The following TENM4 variants were observed in gnomAD, a reference collection of about 807,000 sequenced individuals.
TENM4 encodes teneurin transmembrane protein 4.
A neutral mutation model predicts 243.3 loss-of-function variants in TENM4; 82 were observed. That is an observed-to-expected ratio of 0.34 (90% CI 0.28 to 0.40). The LOEUF (loss-of-function observed/expected upper bound fraction) is 0.40, where lower values mean the gene tolerates loss of function less well. Ranked by LOEUF, TENM4 falls within the 10% of genes least tolerant of loss-of-function variation. TENM4 has a pLI of 1.00. For missense variants in TENM4, 3,138 were observed against 3,673.3 expected (o/e 0.85, Z 3.77); for synonymous variants, 1,412 against 1,456.3 (o/e 0.97, Z 0.69).
intron 1 of TENM4, among the ~76,000 whole-genome samples, chr11:79,385,603 A>T (rs1858095208): frequency 6.6e-6 from 1 of 151,766 alleles, no homozygotes. Flanking sequence ...TTAAAATCTA[A>T]CTGTTACAAA....
At chr11:79,368,937 G>A (rs1469633128) in intron 1 of TENM4, among the ~76,000 whole-genome samples, 1 of 152,130 alleles carries the variant, frequency 6.6e-6, no homozygotes, top group Non-Finnish European at 1.5e-5. Context: ...TCAAATAAAT[G>A]TTAGTTTTCT....
chr11:79,199,039 T>C (rs1863690208), intron 3 of TENM4, among the ~76,000 whole-genome samples: 1 of 152,090 alleles, frequency 6.6e-6, no homozygotes, highest in South Asian at 2.1e-4. Flanking sequence ...AACTGGAAGA[T>C]GGCCAGTGTG....
Position 79,438,452 on chromosome 11 carries a change from C to A in TENM4, c.-321+2057G>T. ...AGCCCCATCCCGTCCCCATCAGCGC[C>A]GGGCTAGCGCAGGAAACCAGGAATA... On this transcript the variant is annotated intron_variant, in intron 1 of 33. Transcript: ENST00000278550. The surrounding 1 kb of genome is among the most constrained non-coding windows in gnomAD (Gnocchi z 4.1). Among the ~76,000 whole-genome samples the A allele has an allele frequency of 6.6e-6, 1 of 152,280 alleles. No individual in the cohort carries two copies. Among genetic ancestry groups the A allele is most frequent in the East Asian group, 1.9e-4 (1 of 5,154 alleles).
chr11:78,933,860 C>G (rs1856724355), intron 6 of TENM4, among the ~76,000 whole-genome samples: 1 of 152,146 alleles, frequency 6.6e-6, no homozygotes, highest in Non-Finnish European at 1.5e-5. Context: ...CCTCTCTCCC[C>G]TTCTGTGCTT....
intron 1 of TENM4, among the ~76,000 whole-genome samples, chr11:79,338,755 CCTGAAGTCTTTGGCTGGACCTAGGT>C (rs1857193764): frequency 6.6e-6 from 1 of 152,176 alleles, no homozygotes; most frequent in Non-Finnish European, 1.5e-5. Flanking sequence ...GGCCAAAAGG[CCTGAAGTCTTTGGCTGGACCTAGGT>C]TCAAAGTCCC....
intron 9 of TENM4, among the ~76,000 whole-genome samples, chr11:78,877,915 G>T (rs1160182241): frequency 2.0e-5 from 3 of 152,078 alleles, no homozygotes; most frequent in Non-Finnish European, 2.9e-5. Flanking sequence ...TACATTCATG[G>T]GTCAGGAAAC....
intron 2 of TENM4, among the ~76,000 whole-genome samples, chr11:79,262,519 C>T (rs764203736): frequency 1.3e-5 from 2 of 152,206 alleles, no homozygotes; most frequent in African/African-American, 4.8e-5. Flanking sequence ...GTAAACTGCT[C>T]GTTCCATCCA....
chr11:79,435,225 A>G (rs564281345), intron 1 of TENM4, among the ~76,000 whole-genome samples: 26 of 150,492 alleles, frequency 1.7e-4, no homozygotes, highest in Non-Finnish European at 3.1e-4. Flanking sequence ...ATTAGAATAA[A>G]GACTGTAAAA....
intron 6 of TENM4, among the ~76,000 whole-genome samples, chr11:78,986,001 C>G (rs1591184290): frequency 6.6e-6 from 1 of 152,122 alleles, no homozygotes; most frequent in Admixed American, 6.5e-5. Flanking sequence ...TGGTGTCCCT[C>G]CAAGGTGTAT....
At chr11:78,756,655 G>A (rs989765133) in intron 19 of TENM4, 150 bp downstream of exon 19, 6 of 752,394 alleles carry the variant, frequency 8.0e-6, no homozygotes, top group Middle Eastern at 7.7e-4. Flanking sequence ...ACCTGAGGCT[G>A]CTTCTCTGCC....
At chr11:78,777,871 A>C (rs1856768239) in intron 17 of TENM4, among the ~76,000 whole-genome samples, 1 of 152,176 alleles carries the variant, frequency 6.6e-6, no homozygotes, top group Non-Finnish European at 1.5e-5. Flanking sequence ...GATTATTCTG[A>C]GACTTGTTCT....
chr11:78,738,780 T>C (rs1413510570), intron 19 of TENM4, among the ~76,000 whole-genome samples: 1 of 152,228 alleles, frequency 6.6e-6, no homozygotes, highest in African/African-American at 2.4e-5. Flanking sequence ...AGAGAATTAC[T>C]ATTGGCAGGT....
At chr11:79,064,323 G>A (rs948470905) in intron 6 of TENM4, among the ~76,000 whole-genome samples, 17 of 152,288 alleles carry the variant, frequency 1.1e-4, no homozygotes, top group African/African-American at 3.1e-4. Flanking sequence ...GTGGGACAGC[G>A]TTCCTAGAGG....
chr11:79,065,559 G>T (rs183009574), intron 5 of TENM4, among the ~76,000 whole-genome samples: 1 of 152,230 alleles, frequency 6.6e-6, no homozygotes, highest in South Asian at 2.1e-4. Flanking sequence ...AAGCCCAGTC[G>T]ATGAGATCTA....
At chr11:79,313,881 G>T (rs948858439) in intron 1 of TENM4, among the ~76,000 whole-genome samples, 1 of 152,108 alleles carries the variant, frequency 6.6e-6, no homozygotes, top group African/African-American at 2.4e-5. Flanking sequence ...TTCCAGTTTC[G>T]ATGTGAAATC....
intron 1 of TENM4, among the ~76,000 whole-genome samples, chr11:79,407,264 G>A (rs1858593294): frequency 6.6e-6 from 1 of 152,198 alleles, no homozygotes; most frequent in Non-Finnish European, 1.5e-5. Flanking sequence ...AGTTAGGTCA[G>A]TTATAGAAAA....
chr11:79,002,236 A>G (rs1591197398), intron 6 of TENM4, among the ~76,000 whole-genome samples: 2 of 151,350 alleles, frequency 1.3e-5, no homozygotes, highest in South Asian at 4.2e-4. Context: ...CCAGCACCTC[A>G]CTCCTGCCAG....
In TENM4 at chr11:78,750,141, A is replaced by G. The variant is rs1300647008; in HGVS notation, c.2756+6664T>C. 3.3e-5 allele frequency among the ~76,000 whole-genome samples: 5 copies of G among 152,220 alleles called. No homozygotes were observed. In the East Asian group the frequency reaches 9.6e-4, roughly 29 times the overall value. The stretch of plus-strand genomic sequence containing the variant: ...TCTGCAGTATAGAATGCTTTCTACA[A>G]TCCTGTTCAACTGAAACCCACAGTA... On this transcript the variant is annotated intron_variant, in intron 19 of 33. Transcript: ENST00000278550.
chr11:79,258,878 A>G (rs1362130153), intron 2 of TENM4, among the ~76,000 whole-genome samples: 1 of 152,156 alleles, frequency 6.6e-6, no homozygotes, highest in African/African-American at 2.4e-5. Context: ...AATCATCTTT[A>G]TGCTCATCTG....
Sources: gnomAD v4.1 joint callset for allele counts (sites outside exome capture counted in the v4.1 genomes callset) on GRCh38, gnomAD v4.1.1 for gene constraint, Gnocchi (gnomAD v3.1) non-coding constraint, MANE v1.5 for transcripts, NCBI Gene and HGNC (gene_info 2026-07-23, HGNC 2026-07-21) for gene names.